Variants in ZW10 observed in about 807,000 individuals in gnomAD.
ZW10 encodes centromere/kinetochore protein zw10 homolog.
ZW10 carries 53 observed loss-of-function variants against 87.8 expected under a neutral mutation model. That is an observed-to-expected ratio of 0.60 (90% CI 0.48 to 0.76). ZW10 has a LOEUF of 0.76. ZW10 is among the 30% of genes least tolerant of loss of function. The pLI is 0.00. For missense variants in ZW10, 837 were observed against 923.0 expected (o/e 0.91, Z 1.21); for synonymous variants, 312 against 329.2 (o/e 0.95, Z 0.57).
At chr11:113,735,260 G>C (rs958575902) in intron 15 of ZW10, among the ~76,000 whole-genome samples, 1 of 152,116 alleles carries the variant, frequency 6.6e-6, no homozygotes. Flanking sequence ...TTATAACAAG[G>C]AATTAATGAT....
At chr11:113,748,180 A>AT in intron 8 of ZW10, 77 bp downstream of exon 8, 1 of 1,366,848 alleles carries the variant, frequency 7.3e-7, no homozygotes, top group Non-Finnish European at 9.8e-7. Context: ...AGAACAAACT[A>AT]TCTCCAAGGA....
At chr11:113,762,245 A>G (rs1438081612) in intron 2 of ZW10, among the ~76,000 whole-genome samples, 1 of 152,190 alleles carries the variant, frequency 6.6e-6, no homozygotes, top group African/African-American at 2.4e-5. Flanking sequence ...ATATTTGTGT[A>G]TCTAAACACA....
chr11:113,749,429 A>G (rs113244601), intron 7 of ZW10, among the ~76,000 whole-genome samples: 1 of 152,144 alleles, frequency 6.6e-6, no homozygotes, highest in East Asian at 1.9e-4. Flanking sequence ...GGGACAGCAC[A>G]AAGGAGCTTT....
In ZW10 at chr11:113,764,083, A is replaced by G. The variant is rs546036103; in HGVS notation, c.241-3165T>C. On this transcript the variant is annotated intron_variant, in intron 2 of 15. Transcript: ENST00000200135. The stretch of plus-strand genomic sequence containing the variant: ...AGTTTCAGTTTTCTGCATATGGCTA[A>G]CCAGTTTTCTCAGCACCATTTTACT... Among the ~76,000 whole-genome samples the G allele has an allele frequency of 6.6e-5, 10 of 152,244 alleles. No homozygotes were observed. The South Asian group carries it at 1.2e-3, about 19-fold the overall frequency.
At chr11:113,757,553 C>T (rs1322560861) in intron 7 of ZW10, 109 bp downstream of exon 7, 17 of 909,422 alleles carry the variant, frequency 1.9e-5, no homozygotes, top group Non-Finnish European at 2.4e-5. Flanking sequence ...ACTTACTTTT[C>T]ATCCTCCTTT....
At chr11:113,746,513 A>AC (rs1344054190) in intron 9 of ZW10, among the ~76,000 whole-genome samples, 15 of 129,722 alleles carry the variant, frequency 1.2e-4, no homozygotes, top group African/African-American at 3.9e-4. Context: ...AAAAAAAAAA[A>AC]AACAACAACA....
At chr11:113,749,276 C>T (rs1953712266) in intron 7 of ZW10, among the ~76,000 whole-genome samples, 1 of 152,172 alleles carries the variant, frequency 6.6e-6, no homozygotes, top group African/African-American at 2.4e-5. Context: ...GTCTAGTCTG[C>T]ATTGTCCAAT....
intron 7 of ZW10, 129 bp downstream of exon 7, chr11:113,757,533 G>A (rs1227519690): frequency 1.4e-6 from 1 of 728,922 alleles, no homozygotes; most frequent in African/African-American, 1.8e-5. Context: ...TTGCCCCTAT[G>A]GCACAATTTA....
intron 7 of ZW10, among the ~76,000 whole-genome samples, chr11:113,750,744 T>A (rs1953725701): frequency 6.6e-6 from 1 of 152,198 alleles, no homozygotes; most frequent in Non-Finnish European, 1.5e-5. Flanking sequence ...CAATAAAAAG[T>A]GTGATTTTAA....
chr11:113,755,203 T>C (rs1953770896), intron 7 of ZW10, among the ~76,000 whole-genome samples: 1 of 152,250 alleles, frequency 6.6e-6, no homozygotes, highest in African/African-American at 2.4e-5. Context: ...CTGATGGATC[T>C]GAGCAAAATA....
chr11:113,738,448 C>T, intron 12 of ZW10, 54 bp from the exon 13 acceptor site: 2 of 1,562,072 alleles, frequency 1.3e-6, no homozygotes, highest in Non-Finnish European at 1.7e-6. Flanking sequence ...TTACACACTG[C>T]AAAACCAGGA....
At position 113,743,944 on chromosome 11, in the gene ZW10, C is replaced by T; in HGVS notation, c.1369G>A (p.Glu457Lys). 6.2e-7 allele frequency: 1 copy of T among 1,614,174 alleles called. No homozygotes were observed. Among genetic ancestry groups the T allele is most frequent in the African/African-American group, 1.3e-5 (1 of 75,052 alleles). Residue 457 changes from glutamate to lysine, a missense_variant, in exon 10 of 16, where the codon GAA becomes AAA. Physicochemically the swap from Glu to Lys is moderately conservative, Grantham distance 56. Transcript: ENST00000200135. ...TTTTCAGGCTCTAAATTCATCACTT[C>T]GTGGTACTGAGTATTGGATACTTTC... ...VQKVSNTQYH[E>K]VMNLEPENTL...
chr11:113,738,543 A>G (rs1953577760), intron 12 of ZW10, 149 bp from the exon 13 acceptor site: 1 of 701,082 alleles, frequency 1.4e-6, no homozygotes, highest in Admixed American at 3.7e-5. Context: ...CCCTAAAGCT[A>G]CTAGAAACAA....
chr11:113,746,495 C>CAAAAAAAAAAGA (rs1953677554), intron 9 of ZW10, among the ~76,000 whole-genome samples: 1 of 105,342 alleles, frequency 9.5e-6, no homozygotes, highest in Non-Finnish European at 1.8e-5. Context: ...ACAAAACAGT[C>CAAAAAAAAAAGA]AAAAAAAAAA....
At chr11:113,762,661 G>A (rs1953874327) in intron 2 of ZW10, among the ~76,000 whole-genome samples, 1 of 151,938 alleles carries the variant, frequency 6.6e-6, no homozygotes, top group South Asian at 2.1e-4. Flanking sequence ...GGGATTACAG[G>A]CACCCACTAC....
In ZW10 at chr11:113,737,678, C is replaced by T. The variant is rs776768332; in HGVS notation, c.1910G>A (p.Gly637Glu). The T allele has an allele frequency of 1.2e-6, 2 of 1,613,152 alleles. No individual in the cohort carries two copies. Among genetic ancestry groups the T allele is most frequent in the South Asian group, 2.2e-5 (2 of 90,942 alleles). Residue 637 changes from glycine to glutamate, a missense_variant, in exon 14 of 16, where the codon GGA becomes GAA. Gly to Glu is a moderately conservative substitution (Grantham distance 98). Transcript: ENST00000200135. Reference protein sequence around the residue: ...RQVLHQLKRLGIVWQDVLPVN... With the variant: ...RQVLHQLKRLEIVWQDVLPVN... ...TGGCAGGACATCCTGCCACACAATTCCAAGTCTCTTTAGTTGGTGCAGTAC... is the reference window on the plus strand; with the variant it reads ...TGGCAGGACATCCTGCCACACAATTTCAAGTCTCTTTAGTTGGTGCAGTAC...
chr11:113,763,209 T>C (rs1953880030), intron 2 of ZW10, among the ~76,000 whole-genome samples: 1 of 152,258 alleles, frequency 6.6e-6, no homozygotes. Context: ...TTCCTTTTTA[T>C]GGCTGCATAG....
intron 9 of ZW10, among the ~76,000 whole-genome samples, chr11:113,744,334 C>T (rs976099416): frequency 1.3e-5 from 2 of 151,932 alleles, no homozygotes; most frequent in African/African-American, 4.8e-5. Flanking sequence ...TTGCAGTGAG[C>T]GGAGCTTGTA....
intron 7 of ZW10, among the ~76,000 whole-genome samples, chr11:113,750,191 T>TA (rs1435398304): frequency 6.6e-6 from 1 of 152,036 alleles, no homozygotes; most frequent in Non-Finnish European, 1.5e-5. Flanking sequence ...AGAGCAAAGG[T>TA]AAAAAAGACT....
Sources: allele counts gnomAD v4.1 joint callset (sites outside exome capture counted in the v4.1 genomes callset), GRCh38; gene constraint gnomAD v4.1.1; transcripts MANE v1.5; gene names NCBI Gene and HGNC (gene_info 2026-07-23, HGNC 2026-07-21).